Variants in VEGFC observed in about 807,000 individuals in gnomAD.
VEGFC encodes the protein vascular endothelial growth factor C.
In VEGFC, 12 loss-of-function variants were observed where a neutral mutation model predicts 46.1. That is an observed-to-expected ratio of 0.26 (90% CI 0.17 to 0.42). The LOEUF (loss-of-function observed/expected upper bound fraction) is 0.42. Among genes scored for constraint, VEGFC ranks in the 10% least tolerant of loss-of-function variants. VEGFC has a pLI of 1.00. For synonymous variants in VEGFC, 232 were observed against 195.5 expected, an observed-to-expected ratio of 1.19 and a Z score of -1.56; for missense variants, 488 against 529.4, an observed-to-expected ratio of 0.92 and a Z score of 0.77.
At chr4:176,789,910 G>A (rs1437510803) in intron 1 of VEGFC, among the ~76,000 whole-genome samples, 1 of 152,134 alleles carries the variant, frequency 6.6e-6, no homozygotes, top group East Asian at 1.9e-4. Context: ...TGAAAGTTAT[G>A]AAAACATTGC....
chr4:176,720,945 A>AT (rs34284602), intron 3 of VEGFC, among the ~76,000 whole-genome samples: 13,347 of 151,966 alleles, frequency 0.088, 1,195 homozygotes, highest in African/African-American at 0.21. Flanking sequence ...ATGCTGTGGA[A>AT]GCACATAACA....
rs960208228 is a variant in VEGFC, at chr4:176,792,786, CGGCGGTGCCGGG to C, written c.-487_-476del. ...GCGGGCGCTGCGGCGGGGGCGCTGG[CGGCGGTGCCGGG>C]GGCGGGAGGAGGGCGGCGGGGCGGC... is the stretch of plus-strand genomic sequence containing the variant. On this transcript the variant is annotated 5_prime_UTR_variant, in exon 1 of 7. Transcript: ENST00000618562. This position sits in a 1 kb window ranked among gnomAD's most constrained non-coding sequence, Gnocchi z 6.3. 9 of 147,262 alleles carry C rather than the reference CGGCGGTGCCGGG, an allele frequency of 6.1e-5. No individual in the cohort carries two copies. Among genetic ancestry groups the C allele is most frequent in the Non-Finnish European group, 1.2e-4 (8 of 66,170 alleles). The allele number at this position is 147,262 out of a possible 1,614,324, so 9.1% of individuals were successfully genotyped here.
intron 1 of VEGFC, among the ~76,000 whole-genome samples, chr4:176,764,473 A>G (rs1260794427): frequency 6.6e-6 from 1 of 152,196 alleles, no homozygotes; most frequent in East Asian, 1.9e-4. Flanking sequence ...TAAGTTTTCA[A>G]ATTATCCATG....
In VEGFC at chr4:176,758,571, A is replaced by G. The variant is rs879432193; in HGVS notation, c.148-28825T>C. Among the ~76,000 whole-genome samples, 10 of 152,090 alleles carry G rather than the reference A, an allele frequency of 6.6e-5. 1 individual carries two copies. The highest frequency in any genetic ancestry group is 1.3e-4 in the Non-Finnish European group (9 of 68,016). ...TCAATCTCGATTGTTGTCAGGGAGG[A>G]TGTAAGGTACATTAATAAGTAGCTT... On this transcript the variant is annotated intron_variant, in intron 1 of 6. Coordinates refer to ENST00000618562, the MANE Select transcript of VEGFC (RefSeq NM_005429.5).
intron 4 of VEGFC, among the ~76,000 whole-genome samples, chr4:176,710,997 A>G (rs1326941996): frequency 2.6e-5 from 4 of 152,134 alleles, no homozygotes; most frequent in African/African-American, 4.8e-5. Context: ...TATTGCTGAA[A>G]TAAGAAACAT....
chr4:176,722,709 A>G (rs937891034), intron 3 of VEGFC, among the ~76,000 whole-genome samples: 3 of 152,190 alleles, frequency 2.0e-5, no homozygotes, highest in African/African-American at 7.2e-5. Context: ...TATGTTGCCC[A>G]GGCTGGTCTC....
At chr4:176,728,057 T>C in intron 2 of VEGFC, 89 bp from the exon 3 acceptor site, 1 of 1,115,438 alleles carries the variant, frequency 9.0e-7, no homozygotes, top group South Asian at 1.8e-5. Context: ...CACATTCATT[T>C]CAGATTTTAA....
At chr4:176,750,265 C>T (rs1735320122) in intron 1 of VEGFC, among the ~76,000 whole-genome samples, 1 of 151,566 alleles carries the variant, frequency 6.6e-6, no homozygotes, top group Non-Finnish European at 1.5e-5. Flanking sequence ...TGTGACATAT[C>T]AGTAATTATG....
At chr4:176,698,149 T>A (rs867816972) in intron 4 of VEGFC, among the ~76,000 whole-genome samples, 18 of 149,020 alleles carry the variant, frequency 1.2e-4, no homozygotes, top group African/African-American at 4.0e-4. Context: ...AAAATAAAAA[T>A]AATAATAATA....
intron 1 of VEGFC, among the ~76,000 whole-genome samples, chr4:176,775,371 A>G (rs1735798074): frequency 6.6e-6 from 1 of 152,198 alleles, no homozygotes; most frequent in Non-Finnish European, 1.5e-5. Flanking sequence ...TTAACCCAAA[A>G]CCTTAACTTG....
intron 4 of VEGFC, among the ~76,000 whole-genome samples, chr4:176,702,506 TCC>T (rs1734451519): frequency 2.0e-5 from 3 of 152,112 alleles, no homozygotes; most frequent in Non-Finnish European, 4.4e-5. Flanking sequence ...CAACCTCTGC[TCC>T]CCTAATACCT....
chr4:176,749,386 T>A (rs993223459), intron 1 of VEGFC, among the ~76,000 whole-genome samples: 2 of 151,972 alleles, frequency 1.3e-5, no homozygotes, highest in African/African-American at 4.8e-5. Context: ...TACTTCGATA[T>A]GCTCCTTTCA....
intron 1 of VEGFC, among the ~76,000 whole-genome samples, chr4:176,749,007 C>T (rs1442703547): frequency 6.6e-6 from 1 of 151,838 alleles, no homozygotes; most frequent in African/African-American, 2.4e-5. Context: ...TCATATTATT[C>T]TTGAAAGAAG....
chr4:176,748,634 AAG>A (rs1735294667), intron 1 of VEGFC, among the ~76,000 whole-genome samples: 1 of 152,042 alleles, frequency 6.6e-6, no homozygotes, highest in Non-Finnish European at 1.5e-5. Context: ...TTTTACAATT[AAG>A]ACTTTCAGGA....
intron 3 of VEGFC, among the ~76,000 whole-genome samples, chr4:176,720,835 C>T (rs1734773509): frequency 1.1e-5 from 1 of 87,558 alleles, no homozygotes; most frequent in Non-Finnish European, 2.2e-5. Context: ...AAGAGTGAGA[C>T]TCCATCTAAA....
At chr4:176,766,238 T>A (rs960112125) in intron 1 of VEGFC, among the ~76,000 whole-genome samples, 8 of 152,150 alleles carry the variant, frequency 5.3e-5, no homozygotes, top group South Asian at 2.1e-4. Context: ...AATCTCAATA[T>A]CTATATTCAA....
intron 3 of VEGFC, among the ~76,000 whole-genome samples, chr4:176,725,666 G>A (rs1734861772): frequency 6.6e-6 from 1 of 151,960 alleles, no homozygotes; most frequent in Non-Finnish European, 1.5e-5. Flanking sequence ...ACATCATATT[G>A]CTTAACTGAA....
intron 3 of VEGFC, among the ~76,000 whole-genome samples, chr4:176,716,480 G>A (rs992903881): frequency 1.3e-4 from 19 of 151,332 alleles, no homozygotes; most frequent in Admixed American, 1.3e-3. Context: ...GGGAGGCTGA[G>A]GCAGGAGAGT....
chr4:176,708,245 T>C (rs1734569429), intron 4 of VEGFC, among the ~76,000 whole-genome samples: 1 of 151,864 alleles, frequency 6.6e-6, no homozygotes. Context: ...TGTAATTTGA[T>C]ATATTACAAT....
Sources: gnomAD v4.1 joint callset for allele counts (sites outside exome capture counted in the v4.1 genomes callset) on GRCh38, gnomAD v4.1.1 for gene constraint, Gnocchi (gnomAD v3.1) non-coding constraint, MANE v1.5 for transcripts, NCBI Gene and HGNC (gene_info 2026-07-23, HGNC 2026-07-21) for gene names.